Variants in B4GALNT3 observed in about 807,000 individuals in gnomAD.
The protein encoded by B4GALNT3 is beta-1,4-N-acetylgalactosaminyltransferase 3.
Under a neutral mutation model 120.2 loss-of-function variants are expected in B4GALNT3, and 86 were observed. The ratio of observed to expected loss-of-function variants is 0.72; its 90% CI spans 0.60 to 0.86. The LOEUF (loss-of-function observed/expected upper bound fraction) is 0.86, where lower values mean the gene tolerates loss of function less well. B4GALNT3 is among the 40% of genes least tolerant of loss of function. The pLI is 0.00. For missense variants in B4GALNT3, 1,167 were observed against 1,298.9 expected (o/e 0.90, Z 1.56); for synonymous variants, 518 against 510.4 (o/e 1.01, Z -0.20).
At chr12:559,707 A>G (rs894402543) in intron 19 of B4GALNT3, among the ~76,000 whole-genome samples, 2 of 152,028 alleles carry the variant, frequency 1.3e-5, no homozygotes, top group Non-Finnish European at 2.9e-5. Context: ...GACATAAACC[A>G]TGATGTTCTC....
chr12:544,290 G>A (rs528002061), intron 3 of B4GALNT3, 49 bp from the exon 4 acceptor site: 23 of 1,564,246 alleles, frequency 1.5e-5, no homozygotes, highest in South Asian at 1.3e-4. Context: ...GATCTGGGGC[G>A]GGCATGGGGT....
intron 1 of B4GALNT3, among the ~76,000 whole-genome samples, chr12:511,146 C>G (rs2120572897): frequency 6.7e-6 from 1 of 150,186 alleles, no homozygotes; most frequent in Non-Finnish European, 1.5e-5. Flanking sequence ...TCTCCCACCT[C>G]TGCCTCCTGA....
In B4GALNT3 at chr12:507,481, T is replaced by C. The variant is rs192586486; in HGVS notation, c.170-27685T>C. On this transcript the variant is annotated intron_variant, in intron 1 of 19. Coordinates refer to ENST00000266383, the MANE Select transcript of B4GALNT3 (RefSeq NM_173593.4). Reference sequence around the variant, plus strand: ...CCACTGTCTTGGAATTTGGACACTGTGGGAACAGAGAACATGGATGTAAAT... The same window carrying C: ...CCACTGTCTTGGAATTTGGACACTGCGGGAACAGAGAACATGGATGTAAAT... Among the ~76,000 whole-genome samples the C allele has an allele frequency of 1.1e-3, 172 of 152,294 alleles. 3 individuals are homozygous for C. Among genetic ancestry groups the C allele is most frequent in the African/African-American group, 4.0e-3 (165 of 41,538 alleles).
At position 460,040 on chromosome 12, in the gene B4GALNT3, G is replaced by A. The variant is rs1220698706; in HGVS notation, c.-337G>A. Among the ~76,000 whole-genome samples the A allele has an allele frequency of 6.6e-5, 10 of 151,066 alleles. No homozygotes were observed. The South Asian group carries it at 1.7e-3, about 25-fold the overall frequency. ...CGGGCGCCGGGGAAGCCTCCTTCTG[G>A]GCAGCGAGTGAGGGCGGGCGCGCAG... On this transcript the variant is annotated 5_prime_UTR_variant, in exon 1 of 20. Coordinates refer to ENST00000266383, the MANE Select transcript of B4GALNT3 (RefSeq NM_173593.4). The surrounding 1 kb of genome is among the most constrained non-coding windows in gnomAD (Gnocchi z 8.0).
In B4GALNT3 at chr12:511,571, G is replaced by T. The variant is rs12319002; in HGVS notation, c.170-23595G>T. ...CTTCCACCTTCCACCTTCCGCCTTC[G>T]ACCTTCTTCCACCTTCCACCTTCCG... On this transcript the variant is annotated intron_variant, in intron 1 of 19. Coordinates refer to ENST00000266383, the MANE Select transcript of B4GALNT3 (RefSeq NM_173593.4). 1.6e-3 allele frequency among the ~76,000 whole-genome samples: 59 copies of T among 37,198 alleles called. 3 individuals are homozygous for T. In the East Asian group the frequency reaches 0.02, roughly 13 times the overall value. The allele number at this position is 37,198 out of a possible 152,430, so 24.4% of individuals were successfully genotyped here. A position where few individuals can be genotyped will look rare whatever the true frequency, so the allele number is the denominator to read the frequency against.
intron 19 of B4GALNT3, among the ~76,000 whole-genome samples, chr12:560,879 G>T (rs923210443): frequency 2.0e-5 from 3 of 152,208 alleles, no homozygotes; most frequent in African/African-American, 7.2e-5. Context: ...CCTGGGGAGG[G>T]CCTAGGCGCC....
chr12:499,982 C>G (rs1320564920), intron 1 of B4GALNT3, among the ~76,000 whole-genome samples: 1 of 152,218 alleles, frequency 6.6e-6, no homozygotes, highest in East Asian at 1.9e-4. Flanking sequence ...TTTCCCAGCC[C>G]TGCCTCCCTG....
chr12:523,760 C>T (rs528565533), intron 1 of B4GALNT3, among the ~76,000 whole-genome samples: 10 of 152,308 alleles, frequency 6.6e-5, no homozygotes, highest in South Asian at 2.1e-4. Context: ...GAATCAACTC[C>T]GATAGAAAAC....
At chr12:556,428 GC>G in intron 14 of B4GALNT3, 118 bp from the exon 15 acceptor site, 1 of 988,596 alleles carries the variant, frequency 1.0e-6, no homozygotes, top group Non-Finnish European at 1.5e-6. Flanking sequence ...CCAGCCAGTG[GC>G]AAAGCTAGGA....
chr12:468,781 G>A (rs909018521), intron 1 of B4GALNT3, among the ~76,000 whole-genome samples: 2 of 152,216 alleles, frequency 1.3e-5, no homozygotes, highest in African/African-American at 4.8e-5. Context: ...GACTTCATGT[G>A]TCTCTTCCAC....
chr12:552,304 CACACACACACA>C, intron 12 of B4GALNT3, 141 bp downstream of exon 12: 1 of 620,368 alleles, frequency 1.6e-6, no homozygotes, highest in Non-Finnish European at 2.8e-6. Flanking sequence ...CACACACACA[CACACACACACA>C]CACACACACA....
chr12:559,846 A>G (rs1417950008), intron 19 of B4GALNT3, among the ~76,000 whole-genome samples: 2 of 152,114 alleles, frequency 1.3e-5, no homozygotes, highest in African/African-American at 4.8e-5. Flanking sequence ...AAAGGTCAGG[A>G]AAGACTTTGG....
chr12:533,008 C>A (rs1037157280), intron 1 of B4GALNT3, among the ~76,000 whole-genome samples: 45 of 152,234 alleles, frequency 3.0e-4, no homozygotes, highest in African/African-American at 9.9e-4. Context: ...CCACAAGCTT[C>A]TCTTGAGTAA....
At chr12:476,148 T>C (rs1328357258) in intron 1 of B4GALNT3, among the ~76,000 whole-genome samples, 3 of 152,240 alleles carry the variant, frequency 2.0e-5, no homozygotes, top group African/African-American at 7.2e-5. Flanking sequence ...AGCATATTAT[T>C]GAGCCTCAAT....
intron 3 of B4GALNT3, among the ~76,000 whole-genome samples, chr12:537,171 A>G (rs1037997703): frequency 6.6e-6 from 1 of 152,258 alleles, no homozygotes; most frequent in Non-Finnish European, 1.5e-5. Context: ...ACGAACATGC[A>G]CTGGGAAACT....
chr12:535,200 G>A lies in B4GALNT3; in HGVS notation c.204G>A (p.Leu68=). 1 of 1,613,856 alleles carries A rather than the reference G, an allele frequency of 6.2e-7. No individual in the cohort carries two copies. The highest frequency in any genetic ancestry group is 1.7e-5 in the Admixed American group (1 of 60,012). ...GCTGGAGAGAACTGGCCAAGGCTCT[G>A]GCCAGCAGGAACATTCCAGCTGTGG... ...YGSWRELAKA[L]ASRNIPAVDP... The change falls in exon 2 of 20, where the codon CTG becomes CTA. Residue 68 remains leucine, a synonymous_variant. Transcript: ENST00000266383.
chr12:517,531 G>C (rs1276597154), intron 1 of B4GALNT3, among the ~76,000 whole-genome samples: 1 of 152,068 alleles, frequency 6.6e-6, no homozygotes, highest in Non-Finnish European at 1.5e-5. Flanking sequence ...GGTCTCTTTA[G>C]GGACAGTGAT....
intron 1 of B4GALNT3, among the ~76,000 whole-genome samples, chr12:530,237 G>A (rs115990449): frequency 0.022 from 3,295 of 152,364 alleles, 125 homozygotes; most frequent in African/African-American, 0.073. Context: ...TTTTCCTGTC[G>A]TGAGCCATGG....
chr12:479,369 C>G (rs1291403000), intron 1 of B4GALNT3, among the ~76,000 whole-genome samples: 1 of 152,180 alleles, frequency 6.6e-6, no homozygotes, highest in Admixed American at 6.5e-5. Flanking sequence ...GATGGTGTCA[C>G]TGCCCCACTC....
Sources: gnomAD v4.1 joint callset for allele counts (sites outside exome capture counted in the v4.1 genomes callset) on GRCh38, gnomAD v4.1.1 for gene constraint, Gnocchi (gnomAD v3.1) non-coding constraint, MANE v1.5 for transcripts, NCBI Gene and HGNC (gene_info 2026-07-23, HGNC 2026-07-21) for gene names.